Variants in EXOC6 observed in about 807,000 individuals in gnomAD.
EXOC6 encodes exocyst complex component 6, also known as SEC15-like 1.
In EXOC6, 60 loss-of-function variants were observed where a neutral mutation model predicts 112.5. The ratio of observed to expected loss-of-function variants is 0.53; its 90% CI spans 0.43 to 0.66. The LOEUF (loss-of-function observed/expected upper bound fraction) is 0.66. EXOC6 is among the 30% of genes least tolerant of loss of function. The pLI is 0.00. For synonymous variants in EXOC6, 295 were observed against 308.0 expected (o/e 0.96, Z 0.44); for missense variants, 855 against 957.1 (o/e 0.89, Z 1.41).
chr10:93,036,461 C>T (rs947822180), intron 20 of EXOC6, among the ~76,000 whole-genome samples: 20 of 152,062 alleles, frequency 1.3e-4, no homozygotes, highest in Admixed American at 2.6e-4. Flanking sequence ...TTTCTTTGTA[C>T]TGTCTATAGT....
intron 1 of EXOC6, among the ~76,000 whole-genome samples, chr10:92,843,035 A>T (rs1413164932): frequency 2.0e-5 from 3 of 152,238 alleles, no homozygotes; most frequent in Non-Finnish European, 4.4e-5. Context: ...TTTAATAAAA[A>T]TAGTTGTTGA....
chr10:92,829,210 G>A (rs924364318), intron 1 of EXOC6, among the ~76,000 whole-genome samples: 1 of 152,078 alleles, frequency 6.6e-6, no homozygotes, highest in Non-Finnish European at 1.5e-5. Context: ...ATAAGATTAG[G>A]GTAGGGTGGC....
At chr10:92,850,422 C>T (rs1426036648) in intron 1 of EXOC6, among the ~76,000 whole-genome samples, 2 of 152,184 alleles carry the variant, frequency 1.3e-5, no homozygotes, top group Non-Finnish European at 2.9e-5. Flanking sequence ...ATTTGTGTCT[C>T]ATTTATAAGC....
intron 1 of EXOC6, among the ~76,000 whole-genome samples, chr10:92,841,343 A>C (rs1249865661): frequency 6.6e-6 from 1 of 152,214 alleles, no homozygotes; most frequent in African/African-American, 2.4e-5. Flanking sequence ...GGCTTACAGT[A>C]ATGTAAATTT....
chr10:92,948,573 C>CCACT (rs1554900785), intron 14 of EXOC6, among the ~76,000 whole-genome samples, 194 bp downstream of exon 14: 77 of 140,182 alleles, frequency 5.5e-4, no homozygotes, highest in Middle Eastern at 3.6e-3. Flanking sequence ...CTACTACTAC[C>CCACT]ACTACTACTA....
chr10:92,878,909 C>A (rs958915218), intron 1 of EXOC6, among the ~76,000 whole-genome samples: 1 of 152,114 alleles, frequency 6.6e-6, no homozygotes, highest in Non-Finnish European at 1.5e-5. Flanking sequence ...CCAAAGAAAT[C>A]AACAAACTGA....
At chr10:92,957,167 A>G (rs567042273) in intron 17 of EXOC6, among the ~76,000 whole-genome samples, 9 of 152,262 alleles carry the variant, frequency 5.9e-5, no homozygotes, top group African/African-American at 2.2e-4. Flanking sequence ...TAATGCCTCT[A>G]CTTTCTCTTT....
intron 19 of EXOC6, 111 bp downstream of exon 19, chr10:92,997,726 A>T: frequency 1.1e-6 from 1 of 940,244 alleles, no homozygotes; most frequent in Non-Finnish European, 1.5e-6. Context: ...GGCCTGGTTC[A>T]GCTAAACTTT....
At chr10:92,966,977 C>T (rs1225156761) in intron 17 of EXOC6, among the ~76,000 whole-genome samples, 10 of 138,004 alleles carry the variant, frequency 7.2e-5, no homozygotes, top group Non-Finnish European at 1.1e-4. Flanking sequence ...TAATGATTGC[C>T]ATTCTAACTG....
chr10:92,875,108 C>G (rs1204319777), intron 1 of EXOC6, among the ~76,000 whole-genome samples: 1 of 152,122 alleles, frequency 6.6e-6, no homozygotes, highest in Non-Finnish European at 1.5e-5. Context: ...GTCATGCTAT[C>G]CCCAGGCACA....
intron 1 of EXOC6, among the ~76,000 whole-genome samples, chr10:92,883,583 A>G (rs1849066746): frequency 6.6e-6 from 1 of 152,158 alleles, no homozygotes; most frequent in Non-Finnish European, 1.5e-5. Context: ...AATTACTAAT[A>G]ATGAGAAATA....
At chr10:92,966,273 G>GTAATTA (rs150881399) in intron 17 of EXOC6, among the ~76,000 whole-genome samples, 36,757 of 115,406 alleles carry the variant, frequency 0.32, 4,835 homozygotes, top group Middle Eastern at 0.4. Context: ...TAGAAAGCAT[G>GTAATTA]TAATTATAAT....
chr10:92,909,389 G>A lies in EXOC6; in HGVS notation c.459-38G>A, dbSNP rs939734499. 1.9e-5 allele frequency: 27 copies of A among 1,425,672 alleles called. No individual in the cohort carries two copies. The East Asian group carries it at 6.2e-4, about 33-fold the overall frequency. The allele number at this position is 1,425,672 out of a possible 1,614,324, so 88.3% of individuals were successfully genotyped here. A position where few individuals can be genotyped will look rare whatever the true frequency, so the allele number is the denominator to read the frequency against. ...TTTACTTGTAAAAATATTGTGATAAGAACTTTTTATAGAGTTTTCTTTTTT... is the reference window on the plus strand; with the variant it reads ...TTTACTTGTAAAAATATTGTGATAAAAACTTTTTATAGAGTTTTCTTTTTT... On this transcript the variant is annotated intron_variant, in intron 5 of 21. Transcript: ENST00000260762.
Position 92,868,502 on chromosome 10 carries a change from TC to T in EXOC6, c.101+19869del, listed in dbSNP as rs558413559. ...ATCTGGTAGGGCTACCTGCATCTCA[TC>T]GCTTATCTTTTTCAGGGATTTCCTG... On this transcript the variant is annotated intron_variant, in intron 1 of 21. Coordinates refer to ENST00000260762, the MANE Select transcript of EXOC6 (RefSeq NM_019053.6). 1.1e-3 allele frequency among the ~76,000 whole-genome samples: 161 copies of T among 152,276 alleles called. 1 individual carries two copies. The highest frequency in any genetic ancestry group is 1.7e-3 in the South Asian group (8 of 4,804).
intron 13 of EXOC6, among the ~76,000 whole-genome samples, chr10:92,941,390 G>A (rs1255332036): frequency 2.6e-5 from 4 of 152,144 alleles, no homozygotes; most frequent in Non-Finnish European, 5.9e-5. Flanking sequence ...GTGAACGTGA[G>A]TACAGTATAC....
intron 5 of EXOC6, 85 bp downstream of exon 5, chr10:92,899,729 GA>G: frequency 9.8e-7 from 1 of 1,020,754 alleles, no homozygotes; most frequent in South Asian, 1.4e-5. Flanking sequence ...AAATCATAGT[GA>G]ATCATGAGTT....
chr10:92,972,892 C>CTATG (rs1415432379), intron 17 of EXOC6, among the ~76,000 whole-genome samples: 1 of 152,162 alleles, frequency 6.6e-6, no homozygotes, highest in East Asian at 1.9e-4. Context: ...GTACACAGCC[C>CTATG]TATGTATGTA....
In EXOC6 at chr10:92,924,577, A is replaced by G. The variant is rs552078249; in HGVS notation, c.889-3762A>G. 3.3e-5 allele frequency among the ~76,000 whole-genome samples: 5 copies of G among 152,314 alleles called. No homozygotes were observed. In the South Asian group the frequency reaches 1.0e-3, roughly 32 times the overall value. On this transcript the variant is annotated intron_variant, in intron 8 of 21. Transcript: ENST00000260762. ...GCAGCATATACCATTCTCTTTTGTT[A>G]AACACCCAGAAAAAGGATGGTCATC...
chr10:92,887,178 T>C (rs1849261352), intron 1 of EXOC6, among the ~76,000 whole-genome samples: 2 of 152,178 alleles, frequency 1.3e-5, no homozygotes, highest in South Asian at 4.1e-4. Context: ...ACATACTGTG[T>C]CAAGAGATTC....
Sources: gnomAD v4.1 joint callset for allele counts (sites outside exome capture counted in the v4.1 genomes callset) on GRCh38, gnomAD v4.1.1 for gene constraint, MANE v1.5 for transcripts, NCBI Gene and HGNC (gene_info 2026-07-23, HGNC 2026-07-21) for gene names.